EBPL: variants seen among roughly 807,000 people sequenced by gnomAD.
EBPL encodes emopamil-binding protein-like.
EBPL carries 20 observed loss-of-function variants against 19.0 expected under a neutral mutation model. That is an observed-to-expected ratio of 1.05 (90% confidence interval 0.74 to 1.53). The LOEUF is 1.53. Among genes scored for constraint, EBPL ranks in the 40% most tolerant of loss-of-function variants. The pLI is 0.00. For synonymous variants in EBPL, 107 were observed against 117.0 expected, an observed-to-expected ratio of 0.91 and a Z score of 0.55; for missense variants, 219 against 261.1, an observed-to-expected ratio of 0.84 and a Z score of 1.11.
At chr13:49,683,105 C>G (rs897296344) in intron 1 of EBPL, among the ~76,000 whole-genome samples, 1 of 152,134 alleles carries the variant, frequency 6.6e-6, no homozygotes, top group African/African-American at 2.4e-5. Flanking sequence ...TCCCAAGTAG[C>G]TGGGATTACA....
intron 1 of EBPL, among the ~76,000 whole-genome samples, chr13:49,676,125 C>A (rs1953873265): frequency 6.6e-6 from 1 of 152,176 alleles, no homozygotes; most frequent in South Asian, 2.1e-4. Context: ...GGCTAGACTG[C>A]CCCATGGGCA....
chr13:49,686,336 C>T, intron 1 of EBPL: 1 of 954,226 alleles, frequency 1.0e-6, no homozygotes, highest in Non-Finnish European at 1.4e-6. Context: ...TCTTCCTCCG[C>T]CCACCACCAA....
At chr13:49,666,238 A>C (rs1378640504) in intron 2 of EBPL, among the ~76,000 whole-genome samples, 1 of 152,150 alleles carries the variant, frequency 6.6e-6, no homozygotes, top group Non-Finnish European at 1.5e-5. Flanking sequence ...ACTGGTGGGA[A>C]CTGAAGCCTG....
At chr13:49,678,020 G>T (rs1226673855) in intron 1 of EBPL, among the ~76,000 whole-genome samples, 1 of 86,352 alleles carries the variant, frequency 1.2e-5, no homozygotes, top group Non-Finnish European at 3.2e-5. Flanking sequence ...CCACAGCGTG[G>T]AAGGGGACCC....
At chr13:49,673,683 C>T (rs1279345591) in intron 1 of EBPL, among the ~76,000 whole-genome samples, 1 of 152,242 alleles carries the variant, frequency 6.6e-6, no homozygotes, top group Non-Finnish European at 1.5e-5. Flanking sequence ...GCGATCCACT[C>T]GCCTCAGCCT....
intron 3 of EBPL, among the ~76,000 whole-genome samples, chr13:49,662,498 A>G (rs1049016753): frequency 3.9e-5 from 6 of 152,224 alleles, no homozygotes; most frequent in African/African-American, 1.4e-4. Flanking sequence ...ATCATCCAAG[A>G]GCGTTAGCAC....
intron 1 of EBPL, among the ~76,000 whole-genome samples, chr13:49,688,546 C>T (rs940737018): frequency 2.0e-5 from 3 of 151,790 alleles, no homozygotes; most frequent in East Asian, 1.9e-4. Flanking sequence ...GGTGAAACCC[C>T]GTCTCTACAA....
chr13:49,683,806 A>G (rs1301890806), intron 1 of EBPL, among the ~76,000 whole-genome samples: 1 of 152,214 alleles, frequency 6.6e-6, no homozygotes, highest in African/African-American at 2.4e-5. Flanking sequence ...GGCAGTTTCT[A>G]CTAAACTGAA....
chr13:49,669,562 C>T (rs968885570), intron 2 of EBPL, among the ~76,000 whole-genome samples: 36 of 151,946 alleles, frequency 2.4e-4, no homozygotes, highest in African/African-American at 8.2e-4. Flanking sequence ...AAAAGAAATC[C>T]GTGCCCATTA....
intron 2 of EBPL, among the ~76,000 whole-genome samples, chr13:49,665,113 C>CTT (rs71078878): frequency 3.1e-5 from 4 of 130,720 alleles, no homozygotes; most frequent in Non-Finnish European, 3.3e-5. Context: ...TTGACCAAGT[C>CTT]TTTTTTTTTT....
chr13:49,662,972 G>C (rs1965170857), intron 3 of EBPL, 85 bp downstream of exon 3: 12 of 1,539,366 alleles, frequency 7.8e-6, no homozygotes, highest in Non-Finnish European at 1.1e-5. Context: ...AATATATGTG[G>C]TCACAACCTA....
chr13:49,676,644 G>A (rs545881936), intron 1 of EBPL, among the ~76,000 whole-genome samples: 13 of 151,834 alleles, frequency 8.6e-5, no homozygotes, highest in South Asian at 8.3e-4. Context: ...AAGAAACCCC[G>A]GTGAATCCTT....
At chr13:49,679,668 A>T (rs918933895) in intron 1 of EBPL, among the ~76,000 whole-genome samples, 8 of 151,806 alleles carry the variant, frequency 5.3e-5, no homozygotes, top group African/African-American at 1.9e-4. Flanking sequence ...TGCCAGGCTG[A>T]TTTTTCTTTT....
At chr13:49,675,156 C>T (rs1953862535) in intron 1 of EBPL, among the ~76,000 whole-genome samples, 1 of 152,210 alleles carries the variant, frequency 6.6e-6, no homozygotes, top group African/African-American at 2.4e-5. Flanking sequence ...TGTATTCACA[C>T]AAACCTAGGT....
At position 49,660,948 on chromosome 13, in the gene EBPL, G is replaced by C. The variant is rs1170217630; in HGVS notation, c.*20C>G. 6.3e-7 allele frequency: 1 copy of C among 1,577,094 alleles called. No individual in the cohort carries two copies. The highest frequency in any genetic ancestry group is 1.1e-5 in the South Asian group (1 of 88,942). ...TTCTGGTTCATGAAGTTAGATAATG[G>C]TGTTTATGGTTTTGAAAGTTCACTG... On this transcript the variant is annotated 3_prime_UTR_variant, in exon 4 of 4. Coordinates refer to ENST00000242827, the MANE Select transcript of EBPL (RefSeq NM_032565.5).
At chr13:49,664,123 A>C (rs1014732696) in intron 2 of EBPL, among the ~76,000 whole-genome samples, 3 of 151,550 alleles carry the variant, frequency 2.0e-5, no homozygotes, top group Non-Finnish European at 4.4e-5. Flanking sequence ...GTGGTGGCGC[A>C]TGCCTGTAAT....
At chr13:49,680,618 T>C (rs968948701) in intron 1 of EBPL, among the ~76,000 whole-genome samples, 14 of 152,260 alleles carry the variant, frequency 9.2e-5, no homozygotes, top group African/African-American at 3.4e-4. Flanking sequence ...TGTCAGGAGA[T>C]CGAGACCATC....
rs777329394 is a variant in EBPL at position 49,661,184 on chromosome 13, G to A, written c.405C>T (p.Cys135=). ...YYRHFLQITL[C]VCELYGCWMT... is the part of the protein sequence containing the mutation. Reference sequence around the variant, plus strand: ...TCCAGCAGCCATACAGCTCGCACACGCACAGGGTGATCTGCAGGAAATGCC... The same window carrying A: ...TCCAGCAGCCATACAGCTCGCACACACACAGGGTGATCTGCAGGAAATGCC... Residue 135 remains cysteine, a synonymous_variant, in exon 4 of 4, where the codon TGC becomes TGT. Transcript: ENST00000242827. The A allele has an allele frequency of 7.7e-5, 125 of 1,613,764 alleles. No homozygotes were observed. Among genetic ancestry groups the A allele is most frequent in the Non-Finnish European group, 1.0e-4 (120 of 1,179,916 alleles).
chr13:49,681,149 A>G (rs1483301558), intron 1 of EBPL, among the ~76,000 whole-genome samples: 2 of 152,352 alleles, frequency 1.3e-5, no homozygotes, highest in South Asian at 2.1e-4. Context: ...AAAATACAGT[A>G]AAGTTCCTAC....
Sources: allele counts gnomAD v4.1 joint callset (sites outside exome capture counted in the v4.1 genomes callset), GRCh38; gene constraint gnomAD v4.1.1; transcripts MANE v1.5; gene names NCBI Gene and HGNC (gene_info 2026-07-23, HGNC 2026-07-21).